Variants in KY observed in about 807,000 individuals in gnomAD.
KY encodes kyphoscoliosis peptidase.
KY carries 43 observed loss-of-function variants against 76.1 expected under a neutral mutation model. That is an observed-to-expected ratio of 0.57 (90% CI 0.44 to 0.73). The LOEUF is 0.73. KY is among the 30% of genes least tolerant of loss of function. The pLI, the probability that KY is intolerant of heterozygous loss-of-function variation, is 0.00. For missense variants in KY, 722 were observed against 828.9 expected, an observed-to-expected ratio of 0.87 and a Z score of 1.58; for synonymous variants, 277 against 326.2, an observed-to-expected ratio of 0.85 and a Z score of 1.63.
chr3:134,621,691 G>A (rs1016392517), intron 6 of KY, among the ~76,000 whole-genome samples: 3 of 151,988 alleles, frequency 2.0e-5, no homozygotes, highest in Non-Finnish European at 1.5e-5. Context: ...AAAAGCACAA[G>A]CAACAAAGGA....
chr3:134,647,166 TC>T (rs1966540234), intron 2 of KY, among the ~76,000 whole-genome samples: 1 of 152,166 alleles, frequency 6.6e-6, no homozygotes, highest in Non-Finnish European at 1.5e-5. Context: ...TGTTAAGTCC[TC>T]CCCTACGGCT....
chr3:134,629,783 A>ATTAGTT, intron 3 of KY, 88 bp from the exon 4 acceptor site: 2 of 813,912 alleles, frequency 2.5e-6, no homozygotes, highest in South Asian at 3.0e-5. Context: ...TAAAAAAACA[A>ATTAGTT]TTAGTTTTAG....
At chr3:134,613,966 T>C (rs1320818932) in intron 8 of KY, among the ~76,000 whole-genome samples, 2 of 152,184 alleles carry the variant, frequency 1.3e-5, no homozygotes, top group East Asian at 3.8e-4. Context: ...TGCTATAACA[T>C]GACATGGCAC....
intron 4 of KY, 192 bp downstream of exon 4, chr3:134,629,429 A>G: frequency 1.8e-6 from 1 of 559,266 alleles, no homozygotes; most frequent in South Asian, 2.4e-5. Flanking sequence ...GAGATGCAAA[A>G]TCAGCGGTAG....
chr3:134,636,414 T>C (rs1317983674), intron 3 of KY, among the ~76,000 whole-genome samples: 1 of 152,216 alleles, frequency 6.6e-6, no homozygotes, highest in East Asian at 1.9e-4. Context: ...CCAGAAGTGA[T>C]GTTGCACAAA....
intron 2 of KY, among the ~76,000 whole-genome samples, chr3:134,645,327 C>T (rs1218704010): frequency 1.3e-5 from 2 of 152,150 alleles, no homozygotes; most frequent in Non-Finnish European, 2.9e-5. Context: ...AAGCAGTGCA[C>T]GGGGTAGCAA....
intron 3 of KY, among the ~76,000 whole-genome samples, chr3:134,640,684 C>T (rs1447963238): frequency 6.6e-6 from 1 of 152,196 alleles, no homozygotes; most frequent in Non-Finnish European, 1.5e-5. Context: ...CTGGCACCAA[C>T]CTCAACAAAG....
rs1256744279 is a variant in KY, at chr3:134,603,627, G to A, written c.1938C>T (p.Asn646=). Residue 646 remains asparagine, a synonymous_variant, in exon 11 of 11, where the codon AAC becomes AAT. Coordinates refer to ENST00000423778, the MANE Select transcript of KY (RefSeq NM_178554.6). ...EVYVMVLENA[N]HNFYSYILKY... The stretch of plus-strand genomic sequence containing the variant: ...TCAGGATGTAGGAGTAGAAATTGTG[G>A]TTGGCATTCTCCAGCACCATGACAT... The A allele has an allele frequency of 3.7e-6, 6 of 1,605,738 alleles. No homozygotes were observed. The highest frequency in any genetic ancestry group is 1.7e-4 in the Middle Eastern group (1 of 6,054).
chr3:134,611,865 AT>A (rs1428530992), intron 8 of KY, among the ~76,000 whole-genome samples: 1 of 152,244 alleles, frequency 6.6e-6, no homozygotes, highest in East Asian at 1.9e-4. Flanking sequence ...TACTATAGGA[AT>A]TGGGGGAATC....
rs547677576 is a variant in KY at position 134,602,486 on chromosome 3, C to G, written c.*1093G>C. Among the ~76,000 whole-genome samples, 1 of 152,172 alleles carries G rather than the reference C, an allele frequency of 6.6e-6. No individual in the cohort carries two copies. Among genetic ancestry groups the G allele is most frequent in the African/African-American group, 2.4e-5 (1 of 41,430 alleles). On this transcript the variant is annotated 3_prime_UTR_variant, in exon 11 of 11. Transcript: ENST00000423778. ...CCGAGACAGGCACAAAAGCTGCTCT[C>G]GTGCAGCTGGAATTCTTCCCAGCCC...
intron 2 of KY, among the ~76,000 whole-genome samples, chr3:134,644,073 C>A (rs1966128100): frequency 6.6e-6 from 1 of 152,136 alleles, no homozygotes; most frequent in African/African-American, 2.4e-5. Flanking sequence ...GATTCACCCG[C>A]CTCAGCCTCC....
intron 1 of KY, among the ~76,000 whole-genome samples, chr3:134,647,999 G>A: frequency 6.6e-6 from 1 of 152,178 alleles, no homozygotes; most frequent in Non-Finnish European, 1.5e-5. Context: ...CCTAGCCATG[G>A]CCAATCTGAT....
At chr3:134,643,805 G>C (rs1966077698) in intron 2 of KY, among the ~76,000 whole-genome samples, 1 of 151,284 alleles carries the variant, frequency 6.6e-6, no homozygotes, top group East Asian at 2.0e-4. Context: ...CAGGTCTTCT[G>C]ACTCCCAGTT....
Position 134,604,294 on chromosome 3 carries a change from A to T in KY, c.1271T>A (p.Ile424Asn). 1.2e-6 allele frequency: 2 copies of T among 1,613,968 alleles called. No individual in the cohort carries two copies. Among genetic ancestry groups the T allele is most frequent in the South Asian group, 2.2e-5 (2 of 91,068 alleles). Residue 424 changes from isoleucine (I) to asparagine (N), a missense_variant, in exon 11 of 11, where the codon ATC (isoleucine) becomes AAC (asparagine). Ile to Asn is a moderately radical substitution (Grantham distance 149). This residue lies in a region of KY where 552 missense variants were observed against 680.9 expected (regional missense o/e 0.81). Coordinates refer to ENST00000423778, the MANE Select transcript of KY (RefSeq NM_178554.6). The stretch of plus-strand genomic sequence containing the variant: ...CGTGTACTCCAGCACTGAGCTGTAG[A>T]TGTCGGAGTTGCCCTTGGCAAAGAT... Reference protein sequence around the residue: ...LQIFAKGNSDIYSSVLEYTLK... With the variant: ...LQIFAKGNSDNYSSVLEYTLK...
At chr3:134,608,258 C>T (rs766884053) in intron 10 of KY, 24 of 1,197,130 alleles carry the variant, frequency 2.0e-5, no homozygotes, top group East Asian at 5.7e-5. Context: ...GCCAGGGTGA[C>T]GTAGTCCTTT....
chr3:134,624,999 A>C (rs2107866144), intron 6 of KY, 54 bp downstream of exon 6: 1 of 1,492,160 alleles, frequency 6.7e-7, no homozygotes, highest in Non-Finnish European at 9.2e-7. Context: ...TTGCTGCCCT[A>C]GAACTCTAAG....
chr3:134,614,213 G>A (rs756188073), intron 8 of KY, among the ~76,000 whole-genome samples: 37 of 152,078 alleles, frequency 2.4e-4, no homozygotes, highest in Non-Finnish European at 4.0e-4. Context: ...AGGAGGGGCC[G>A]AGGACTAGAA....
intron 3 of KY, among the ~76,000 whole-genome samples, chr3:134,630,621 CA>C (rs1352686583): frequency 1.3e-5 from 2 of 152,200 alleles, no homozygotes; most frequent in African/African-American, 4.8e-5. Flanking sequence ...TCCTAAACAT[CA>C]TACCACAGTC....
Position 134,614,959 on chromosome 3 carries a change from T to A in KY, c.710+4189A>T, listed in dbSNP as rs547919185. Among the ~76,000 whole-genome samples, 15 of 152,320 alleles carry A rather than the reference T, an allele frequency of 9.8e-5. No individual in the cohort carries two copies. The East Asian group carries it at 2.3e-3, about 24-fold the overall frequency. On this transcript the variant is annotated intron_variant, in intron 8 of 10. Transcript: ENST00000423778. ...GAGGGAGTGTGCCTGTAGGAGAGAC[T>A]ATGAAGTATGCTTTTCTTTTGGTAT...
Sources: gnomAD v4.1 joint callset for allele counts (sites outside exome capture counted in the v4.1 genomes callset) on GRCh38, gnomAD v4.1.1 for gene constraint, gnomAD v4.1.1 regional missense constraint, MANE v1.5 for transcripts, NCBI Gene and HGNC (gene_info 2026-07-23, HGNC 2026-07-21) for gene names.